The following PTPRD variants were observed in gnomAD, a reference collection of about 807,000 sequenced individuals.
The protein encoded by PTPRD is protein tyrosine phosphatase receptor type D.
PTPRD carries 34 observed loss-of-function variants against 214.5 expected under a neutral mutation model. The ratio of observed to expected loss-of-function variants is 0.16; its 90% CI spans 0.12 to 0.21. The LOEUF (loss-of-function observed/expected upper bound fraction) is 0.21, where lower values mean the gene tolerates loss of function less well. Ranked by LOEUF, PTPRD falls within the 10% of genes least tolerant of loss-of-function variation. The probability of loss-of-function intolerance (pLI) is 1.00; values close to 1 mark genes in which losing one functional copy is unlikely to be tolerated. For synonymous variants in PTPRD, 1,128 were observed against 845.7 expected (o/e 1.33, Z -5.79); for missense variants, 2,545 against 2,398.7 (o/e 1.06, Z -1.27).
chr9:9,696,485 G>A (rs2097376019), intron 7 of PTPRD, among the ~76,000 whole-genome samples: 1 of 152,066 alleles, frequency 6.6e-6, no homozygotes, highest in African/African-American at 2.4e-5. Context: ...GGGTGCTCCT[G>A]TTTTGTGTGC....
chr9:9,117,580 T>C (rs1405093212), intron 10 of PTPRD, among the ~76,000 whole-genome samples: 2 of 152,210 alleles, frequency 1.3e-5, no homozygotes, highest in Non-Finnish European at 2.9e-5. Context: ...TTTTTCTCTT[T>C]ATCACTTTAT....
intron 7 of PTPRD, among the ~76,000 whole-genome samples, chr9:9,615,073 A>C (rs929935642): frequency 2.0e-5 from 3 of 152,114 alleles, no homozygotes; most frequent in Non-Finnish European, 4.4e-5. Context: ...AGAATATCTA[A>C]TAGATAATGT....
intron 14 of PTPRD, 132 bp from the exon 15 acceptor site, chr9:8,528,911 A>G (rs921466401): frequency 7.3e-5 from 58 of 793,990 alleles, no homozygotes; most frequent in Admixed American, 5.1e-5. Context: ...GCACTAATAA[A>G]TTAGAACACA....
intron 8 of PTPRD, among the ~76,000 whole-genome samples, chr9:9,410,319 T>C (rs898820486): frequency 2.6e-5 from 4 of 152,204 alleles, no homozygotes; most frequent in African/African-American, 9.6e-5. Context: ...TGATTTGAAC[T>C]CAGAAATCAA....
At chr9:9,757,315 T>C (rs1236589655) in intron 6 of PTPRD, among the ~76,000 whole-genome samples, 1 of 152,202 alleles carries the variant, frequency 6.6e-6, no homozygotes, top group South Asian at 2.1e-4. Flanking sequence ...TTAAATATCA[T>C]GATAAAAGAC....
In PTPRD at chr9:9,019,313, A is replaced by AAAGAAAGAAAGAAAGAAAGG. The variant is rs1569428878; in HGVS notation, c.-142-579_-142-578insCCTTTCTTTCTTTCTTTCTT. On this transcript the variant is annotated intron_variant, in intron 10 of 45. Transcript: ENST00000381196. The stretch of plus-strand genomic sequence containing the variant: ...GAAAGAAAGAAAGAAAGAAAGAAAG[A>AAAGAAAGAAAGAAAGAAAGG]AAGAAAGAAAGAAAGAAAGAAAGAA... 1.6e-3 allele frequency among the ~76,000 whole-genome samples: 172 copies of AAAGAAAGAAAGAAAGAAAGG among 106,440 alleles called. 1 individual carries two copies. Among genetic ancestry groups the AAAGAAAGAAAGAAAGAAAGG allele is most frequent in the Admixed American group, 2.6e-3 (28 of 10,814 alleles). 69.8% of individuals were successfully genotyped at this position (106,440 alleles called of 152,430 possible).
At chr9:8,662,738 A>T (rs1040273212) in intron 12 of PTPRD, among the ~76,000 whole-genome samples, 35 of 152,162 alleles carry the variant, frequency 2.3e-4, no homozygotes, top group Admixed American at 7.2e-4. Flanking sequence ...AAGCATCTGA[A>T]TTTGTGATTC....
chr9:10,341,498 T>A (rs1175403270), intron 2 of PTPRD, among the ~76,000 whole-genome samples: 1 of 151,988 alleles, frequency 6.6e-6, no homozygotes, highest in African/African-American at 2.4e-5. Context: ...GTTTCAAAGA[T>A]AATATTGGGT....
At chr9:9,529,995 A>C (rs2075102645) in intron 8 of PTPRD, among the ~76,000 whole-genome samples, 1 of 152,136 alleles carries the variant, frequency 6.6e-6, no homozygotes, top group African/African-American at 2.4e-5. Context: ...GACCTATGGG[A>C]AATAGCAAAA....
chr9:9,354,484 C>A (rs1282742901), intron 9 of PTPRD, among the ~76,000 whole-genome samples: 1 of 151,426 alleles, frequency 6.6e-6, no homozygotes, highest in East Asian at 2.0e-4. Flanking sequence ...ATTGGCTTTA[C>A]AATTCAATAA....
At chr9:9,714,122 G>A (rs1230215612) in intron 7 of PTPRD, among the ~76,000 whole-genome samples, 2 of 150,644 alleles carry the variant, frequency 1.3e-5, no homozygotes, top group African/African-American at 2.5e-5. Context: ...TTGAATACAA[G>A]GGACACTGAT....
At chr9:9,357,176 G>C (rs1380771459) in intron 9 of PTPRD, among the ~76,000 whole-genome samples, 3 of 151,226 alleles carry the variant, frequency 2.0e-5, no homozygotes, top group African/African-American at 4.8e-5. Flanking sequence ...AGCTGATTTA[G>C]ACACCAGCAC....
intron 12 of PTPRD, among the ~76,000 whole-genome samples, chr9:8,701,857 A>C (rs1014415975): frequency 6.6e-6 from 1 of 152,172 alleles, no homozygotes; most frequent in Admixed American, 6.5e-5. Flanking sequence ...TTGTTTCTCT[A>C]AACTATACCT....
At position 10,592,423 on chromosome 9, in the gene PTPRD, G is replaced by T. The variant is rs1036864026; in HGVS notation, c.-600+19975C>A. Among the ~76,000 whole-genome samples, 2 of 151,984 alleles carry T rather than the reference G, an allele frequency of 1.3e-5. 1 individual carries two copies. Among genetic ancestry groups the T allele is most frequent in the South Asian group, 4.1e-4 (2 of 4,828 alleles). ...CCTTTTGTGAAGAGGGGAAAAAATTGTTTCGTGATGGGGAGAAGATATTGA... is the reference window on the plus strand; with the variant it reads ...CCTTTTGTGAAGAGGGGAAAAAATTTTTTCGTGATGGGGAGAAGATATTGA... On this transcript the variant is annotated intron_variant, in intron 2 of 45. Coordinates refer to ENST00000381196, the MANE Select transcript of PTPRD (RefSeq NM_002839.4).
chr9:9,143,495 C>T (rs149638627), intron 10 of PTPRD, among the ~76,000 whole-genome samples: 325 of 152,160 alleles, frequency 2.1e-3, no homozygotes, highest in African/African-American at 7.4e-3. Flanking sequence ...TGAAAGGGAG[C>T]CCCTTTAAAT....
intron 3 of PTPRD, among the ~76,000 whole-genome samples, chr9:10,035,136 T>C (rs2097154580): frequency 6.6e-6 from 1 of 152,200 alleles, no homozygotes; most frequent in Admixed American, 6.5e-5. Context: ...CTTTTAATAA[T>C]AGCCATTTTG....
At chr9:9,688,583 G>A (rs896267725) in intron 7 of PTPRD, among the ~76,000 whole-genome samples, 1 of 151,868 alleles carries the variant, frequency 6.6e-6, no homozygotes, top group Non-Finnish European at 1.5e-5. Context: ...AAGAAAATAT[G>A]AGTACGACAA....
intron 11 of PTPRD, among the ~76,000 whole-genome samples, chr9:8,830,917 AATC>A (rs2097275929): frequency 6.6e-6 from 1 of 152,182 alleles, no homozygotes; most frequent in Non-Finnish European, 1.5e-5. Flanking sequence ...TATAAGGCTT[AATC>A]AGCAAGTGAT....
intron 11 of PTPRD, among the ~76,000 whole-genome samples, chr9:8,919,942 G>A (rs1445923873): frequency 7.5e-6 from 1 of 133,784 alleles, no homozygotes; most frequent in Non-Finnish European, 1.7e-5. Flanking sequence ...ATGTATGCAT[G>A]TACACATGTA....
Sources: gnomAD v4.1 joint callset for allele counts (sites outside exome capture counted in the v4.1 genomes callset) on GRCh38, gnomAD v4.1.1 for gene constraint, MANE v1.5 for transcripts, NCBI Gene and HGNC (gene_info 2026-07-23, HGNC 2026-07-21) for gene names.